CLEC16A: variants seen among roughly 807,000 people sequenced by gnomAD.
The protein encoded by CLEC16A is C-type lectin domain containing 16A, also known as protein CLEC16A.
CLEC16A carries 51 observed loss-of-function variants against 109.5 expected under a neutral mutation model. That is an observed-to-expected ratio of 0.47 (90% CI 0.37 to 0.59). CLEC16A has a LOEUF of 0.59. Ranked by LOEUF, CLEC16A falls within the 20% of genes least tolerant of loss-of-function variation. The probability of loss-of-function intolerance (pLI) is 0.00; values close to 1 mark genes in which losing one functional copy is unlikely to be tolerated. For synonymous variants in CLEC16A, 673 were observed against 564.2 expected (o/e 1.19, Z -2.73); for missense variants, 1,339 against 1,394.0 (o/e 0.96, Z 0.63).
chr16:11,133,489 G>A (rs1480806054), intron 22 of CLEC16A, among the ~76,000 whole-genome samples: 8 of 152,112 alleles, frequency 5.3e-5, no homozygotes, highest in East Asian at 1.9e-4. Context: ...AAGCCTCGCC[G>A]GTTCCAGAGG....
intron 21 of CLEC16A, among the ~76,000 whole-genome samples, chr16:11,125,092 A>G (rs1473132572): frequency 1.3e-5 from 2 of 152,156 alleles, no homozygotes; most frequent in African/African-American, 4.8e-5. Context: ...CTGTCTCAAA[A>G]TAAACCCTCA....
At chr16:11,027,573 T>C in intron 13 of CLEC16A, 2 of 1,557,226 alleles carry the variant, frequency 1.3e-6, no homozygotes, top group Admixed American at 3.3e-5. Flanking sequence ...TGGCATCATT[T>C]GCTTGGAAGA....
intron 10 of CLEC16A, among the ~76,000 whole-genome samples, chr16:10,996,018 G>T (rs2044306521): frequency 6.6e-6 from 1 of 152,022 alleles, no homozygotes; most frequent in African/African-American, 2.4e-5. Flanking sequence ...GATGCCTCTG[G>T]CCACCGGTCT....
chr16:11,045,217 A>T (rs1156870118), intron 16 of CLEC16A, among the ~76,000 whole-genome samples: 1 of 151,148 alleles, frequency 6.6e-6, no homozygotes, highest in East Asian at 2.0e-4. Flanking sequence ...GCATGGTGGC[A>T]GGCGCCTGTA....
chr16:11,172,066 TCACA>T (rs992333632), intron 23 of CLEC16A, among the ~76,000 whole-genome samples: 8 of 150,688 alleles, frequency 5.3e-5, no homozygotes, highest in African/African-American at 2.0e-4. Flanking sequence ...ATGCACACAG[TCACA>T]CACATGCCAC....
chr16:11,115,050 G>T (rs1217875806), intron 19 of CLEC16A, among the ~76,000 whole-genome samples: 1 of 152,138 alleles, frequency 6.6e-6, no homozygotes, highest in Non-Finnish European at 1.5e-5. Context: ...GTTCTTTGTG[G>T]TGGAGGTGGC....
At chr16:11,009,597 C>T (rs911786384) in intron 11 of CLEC16A, among the ~76,000 whole-genome samples, 5 of 152,110 alleles carry the variant, frequency 3.3e-5, no homozygotes, top group African/African-American at 7.2e-5. Flanking sequence ...TGTGTGATGG[C>T]GCCGTACCAC....
chr16:11,136,793 A>G (rs2053586683), intron 22 of CLEC16A, among the ~76,000 whole-genome samples: 1 of 152,244 alleles, frequency 6.6e-6, no homozygotes, highest in Non-Finnish European at 1.5e-5. Flanking sequence ...CCTCCAGCCC[A>G]GCACACATCC....
intron 11 of CLEC16A, among the ~76,000 whole-genome samples, chr16:11,017,999 T>TAAAAAAAA (rs34526192): frequency 7.2e-6 from 1 of 138,800 alleles, no homozygotes; most frequent in African/African-American, 2.6e-5. Context: ...AAAGAGGTAT[T>TAAAAAAAA]AAAAAAAAAA....
At chr16:11,103,136 G>T (rs963973847) in intron 19 of CLEC16A, among the ~76,000 whole-genome samples, 3 of 152,192 alleles carry the variant, frequency 2.0e-5, no homozygotes, top group Non-Finnish European at 4.4e-5. Context: ...CCAGAGGTTT[G>T]GTGGAAAATG....
intron 19 of CLEC16A, among the ~76,000 whole-genome samples, chr16:11,120,074 A>G (rs1375172584): frequency 6.6e-6 from 1 of 152,198 alleles, no homozygotes; most frequent in Non-Finnish European, 1.5e-5. Flanking sequence ...GATACAAGCA[A>G]TTCTCCTGCC....
At chr16:11,177,470 G>C (rs1326079451) in intron 23 of CLEC16A, among the ~76,000 whole-genome samples, 10 of 152,124 alleles carry the variant, frequency 6.6e-5, no homozygotes, top group Non-Finnish European at 1.5e-4. Flanking sequence ...TGTGGTGGCA[G>C]ATGCCTGTAA....
At chr16:11,166,180 C>T (rs1375904729) in intron 22 of CLEC16A, among the ~76,000 whole-genome samples, 2 of 152,234 alleles carry the variant, frequency 1.3e-5, no homozygotes, top group African/African-American at 4.8e-5. Flanking sequence ...TACTCTGTTC[C>T]TTGAAATAAA....
At chr16:10,988,708 A>G (rs1376832037) in intron 10 of CLEC16A, among the ~76,000 whole-genome samples, 1 of 152,040 alleles carries the variant, frequency 6.6e-6, no homozygotes, top group Non-Finnish European at 1.5e-5. Context: ...TGCTGTAACC[A>G]GTTTCCCTGG....
At chr16:10,979,701 G>A (rs1006515739) in intron 9 of CLEC16A, among the ~76,000 whole-genome samples, 2 of 152,290 alleles carry the variant, frequency 1.3e-5, no homozygotes, top group South Asian at 4.2e-4. Context: ...GGAAATGTGG[G>A]CTGCATCGCT....
intron 19 of CLEC16A, among the ~76,000 whole-genome samples, chr16:11,089,816 G>C (rs2050205265): frequency 6.6e-6 from 1 of 152,204 alleles, no homozygotes; most frequent in Non-Finnish European, 1.5e-5. Context: ...AGCATGGGCT[G>C]GCCCACCCAG....
In CLEC16A at chr16:10,983,082, C is replaced by T. The variant is rs879066254; in HGVS notation, c.1071+91C>T. ...TTCTCTAAAATCAGAAACTAACATT[C>T]TGAATATATAGCAGTGATGATGCAT... is the stretch of plus-strand genomic sequence containing the variant. On this transcript the variant is annotated intron_variant, in intron 10 of 23. Transcript: ENST00000409790. 6.6e-5 allele frequency: 49 copies of T among 739,274 alleles called. 1 individual carries two copies. Among genetic ancestry groups the T allele is most frequent in the South Asian group, 6.6e-4 (42 of 64,040 alleles). 45.8% of individuals were successfully genotyped at this position (739,274 alleles called of 1,614,324 possible).
intron 22 of CLEC16A, among the ~76,000 whole-genome samples, chr16:11,144,275 C>A (rs1414474285): frequency 3.3e-5 from 5 of 152,230 alleles, no homozygotes; most frequent in African/African-American, 1.2e-4. Flanking sequence ...GTCCCTGCAG[C>A]CTGCAGCTGG....
intron 23 of CLEC16A, 120 bp downstream of exon 23, chr16:11,166,672 T>C (rs993431057): frequency 1.0e-6 from 1 of 1,002,014 alleles, no homozygotes; most frequent in African/African-American, 1.7e-5. Context: ...ATGATGCCGC[T>C]CAGGTGATCT....
Sources: gnomAD v4.1 joint callset for allele counts (sites outside exome capture counted in the v4.1 genomes callset) on GRCh38, gnomAD v4.1.1 for gene constraint, MANE v1.5 for transcripts, NCBI Gene and HGNC (gene_info 2026-07-23, HGNC 2026-07-21) for gene names.